GRK3: variants seen among roughly 807,000 people sequenced by gnomAD.
GRK3 encodes the protein G protein-coupled receptor kinase 3.
A neutral mutation model predicts 95.7 loss-of-function variants in GRK3; 54 were observed. The ratio of observed to expected loss-of-function variants is 0.56; its 90% CI spans 0.45 to 0.71. GRK3 has a LOEUF of 0.71. GRK3 is among the 30% of genes least tolerant of loss of function. The pLI is 0.00. For missense variants in GRK3, 649 were observed against 851.2 expected (o/e 0.76, Z 2.96); for synonymous variants, 281 against 290.8 (o/e 0.97, Z 0.34).
At chr22:25,612,866 CT>C (rs1247000790) in intron 2 of GRK3, among the ~76,000 whole-genome samples, 4 of 149,790 alleles carry the variant, frequency 2.7e-5, no homozygotes, top group African/African-American at 9.8e-5. Flanking sequence ...AAAAAAAAAT[CT>C]GAGCAGTTTC....
At chr22:25,627,754 G>C (rs2146364868) in intron 2 of GRK3, among the ~76,000 whole-genome samples, 1 of 152,322 alleles carries the variant, frequency 6.6e-6, no homozygotes, top group South Asian at 2.1e-4. Flanking sequence ...TATTGAACTA[G>C]GAAGAGATGT....
chr22:25,641,562 A>G (rs1416489252), intron 2 of GRK3, among the ~76,000 whole-genome samples: 1 of 152,210 alleles, frequency 6.6e-6, no homozygotes, highest in Non-Finnish European at 1.5e-5. Flanking sequence ...TAAGTGCTAC[A>G]AAGTGTTTTG....
chr22:25,644,854 G>A (rs779445629), intron 3 of GRK3, among the ~76,000 whole-genome samples, 189 bp downstream of exon 3: 5 of 152,094 alleles, frequency 3.3e-5, no homozygotes, highest in South Asian at 2.1e-4. Flanking sequence ...CATAAAAGTC[G>A]CATTCTTAAA....
At chr22:25,670,843 CTGGCTAACA>C (rs1398343556) in intron 6 of GRK3, among the ~76,000 whole-genome samples, 2 of 130,330 alleles carry the variant, frequency 1.5e-5, no homozygotes, top group East Asian at 2.3e-4. Flanking sequence ...CGAGACCATC[CTGGCTAACA>C]TGGTGAAACC....
intron 18 of GRK3, among the ~76,000 whole-genome samples, chr22:25,717,720 A>G (rs2085398139): frequency 6.6e-6 from 1 of 152,204 alleles, no homozygotes; most frequent in Admixed American, 6.5e-5. Flanking sequence ...TTATCTCTAT[A>G]CATAACCATA....
intron 10 of GRK3, 87 bp from the exon 11 acceptor site, chr22:25,687,450 T>A: frequency 7.0e-7 from 1 of 1,431,554 alleles, no homozygotes; most frequent in Non-Finnish European, 9.5e-7. Flanking sequence ...TCCCTTTTTC[T>A]GCTGAGTCCT....
intron 2 of GRK3, among the ~76,000 whole-genome samples, chr22:25,614,944 C>T (rs2084526882): frequency 6.6e-6 from 1 of 152,122 alleles, no homozygotes; most frequent in Non-Finnish European, 1.5e-5. Context: ...GCTCACCCTG[C>T]AAAAGATGGA....
intron 17 of GRK3, among the ~76,000 whole-genome samples, chr22:25,711,463 T>C (rs2085343199): frequency 6.6e-6 from 1 of 152,136 alleles, no homozygotes; most frequent in African/African-American, 2.4e-5. Context: ...CTGTGTGATA[T>C]CAAACATACT....
intron 2 of GRK3, among the ~76,000 whole-genome samples, chr22:25,614,271 G>A (rs534541287): frequency 3.0e-4 from 45 of 152,220 alleles, no homozygotes; most frequent in African/African-American, 1.1e-3. Context: ...AGGACTACAG[G>A]CACAGGCATG....
rs1156900366 is a variant in GRK3, at chr22:25,663,684, G to A, written c.421G>A (p.Val141Met). 3.1e-6 allele frequency: 5 copies of A among 1,610,982 alleles called. No homozygotes were observed. The highest frequency in any genetic ancestry group is 4.2e-6 in the Non-Finnish European group (5 of 1,178,124). ...HVQSHLSKKQ[V>M]TSTLFQPYIE... ...ACAAAGTCATTTATCCAAGAAACAA[G>A]TGACATCAACTCTTTTTCAGGTAAG... Residue 141 changes from valine to methionine, a missense_variant, in exon 5 of 21, where the codon GTG (valine) becomes ATG (methionine). Around this residue, in one of 3 missense-constraint regions of GRK3, gnomAD observed 206 missense variants for 231.4 expected, o/e 0.89. Coordinates refer to ENST00000324198, the MANE Select transcript of GRK3 (RefSeq NM_005160.4).
chr22:25,626,522 C>T (rs967161179), intron 2 of GRK3, among the ~76,000 whole-genome samples: 4 of 152,084 alleles, frequency 2.6e-5, no homozygotes, highest in Non-Finnish European at 1.5e-5. Flanking sequence ...GGTGTTACTC[C>T]CTTTAAAACA....
chr22:25,645,318 T>C (rs2084773098), intron 3 of GRK3, among the ~76,000 whole-genome samples: 1 of 152,206 alleles, frequency 6.6e-6, no homozygotes, highest in South Asian at 2.1e-4. Context: ...TGACATTGGG[T>C]ATCTACAGCT....
chr22:25,629,678 G>A (rs1023140880), intron 2 of GRK3, among the ~76,000 whole-genome samples: 9 of 152,220 alleles, frequency 5.9e-5, no homozygotes, highest in Admixed American at 3.3e-4. Context: ...AGGACAGAGC[G>A]TGGTGTGTGT....
At chr22:25,603,226 C>G (rs1162747628) in intron 1 of GRK3, among the ~76,000 whole-genome samples, 1 of 152,036 alleles carries the variant, frequency 6.6e-6, no homozygotes, top group Non-Finnish European at 1.5e-5. Flanking sequence ...TAACAATATA[C>G]TTTAAGTGTG....
chr22:25,583,364 T>TG (rs913502318), intron 1 of GRK3, among the ~76,000 whole-genome samples: 4 of 151,744 alleles, frequency 2.6e-5, no homozygotes, highest in African/African-American at 9.7e-5. Flanking sequence ...GTACTTTTTT[T>TG]TTTTTTTTTT....
At chr22:25,620,006 TTGTGTGTGTGTGTGTGTGTGTGTG>T (rs56260834) in intron 2 of GRK3, among the ~76,000 whole-genome samples, 1 of 90,322 alleles carries the variant, frequency 1.1e-5, no homozygotes, top group Non-Finnish European at 2.0e-5. Context: ...TTTGTCTTTT[TTGTGTGTGTGTGTGTGTGTGTGTG>T]TGTGTGTGTG....
chr22:25,710,062 T>G, intron 16 of GRK3, 98 bp downstream of exon 16: 2 of 894,480 alleles, frequency 2.2e-6, no homozygotes, highest in Non-Finnish European at 3.7e-6. Flanking sequence ...TATGCACTGC[T>G]GGCTTCCTGG....
At chr22:25,682,500 T>C (rs2085082665) in intron 9 of GRK3, among the ~76,000 whole-genome samples, 1 of 152,220 alleles carries the variant, frequency 6.6e-6, no homozygotes, top group Non-Finnish European at 1.5e-5. Context: ...AGGGATGTGG[T>C]CTTGAGCTGT....
intron 15 of GRK3, among the ~76,000 whole-genome samples, chr22:25,706,079 C>T (rs370956519): frequency 3.3e-5 from 5 of 152,228 alleles, no homozygotes; most frequent in African/African-American, 1.2e-4. Context: ...TAGATTTGGG[C>T]CTCTGCACTT....
Sources: gnomAD v4.1 joint callset for allele counts (sites outside exome capture counted in the v4.1 genomes callset) on GRCh38, gnomAD v4.1.1 for gene constraint, gnomAD v4.1.1 regional missense constraint, MANE v1.5 for transcripts, NCBI Gene and HGNC (gene_info 2026-07-23, HGNC 2026-07-21) for gene names.